The following RALGPS2 variants were observed in gnomAD, a reference collection of about 807,000 sequenced individuals.
The protein encoded by RALGPS2 is Ral GEF with PH domain and SH3 binding motif 2.
RALGPS2 carries 43 observed loss-of-function variants against 86.8 expected under a neutral mutation model. The ratio of observed to expected loss-of-function variants is 0.50; its 90% confidence interval spans 0.39 to 0.64. RALGPS2 has a LOEUF of 0.64. Ranked by LOEUF, RALGPS2 falls within the 30% of genes least tolerant of loss-of-function variation. The pLI, the probability that RALGPS2 is intolerant of heterozygous loss-of-function variation, is 0.00. For synonymous variants in RALGPS2, 243 were observed against 231.3 expected, an observed-to-expected ratio of 1.05 and a Z score of -0.46; for missense variants, 536 against 694.6, an observed-to-expected ratio of 0.77 and a Z score of 2.57.
rs746789531 is a variant in RALGPS2, at chr1:178,877,559, A to G, written c.669A>G (p.Leu223=). The G allele has an allele frequency of 6.2e-7, 1 of 1,613,614 alleles. No individual in the cohort carries two copies. The highest frequency in any genetic ancestry group is 1.1e-5 in the South Asian group (1 of 91,064). The change falls in exon 9 of 20, where the codon CTA becomes CTG. Residue 223 remains leucine, a synonymous_variant. Transcript: ENST00000367635. The stretch of plus-strand genomic sequence containing the variant: ...CATACCCATCAACTGGCAGCATTCT[A>G]GAAAATGAGCAAAGATCAAATTTAA... ...DSAYPSTGSI[L]ENEQRSNLMN... is the part of the protein sequence containing the mutation.
At chr1:178,826,436 TAAACC>T (rs1655744764) in intron 7 of RALGPS2, among the ~76,000 whole-genome samples, 1 of 152,172 alleles carries the variant, frequency 6.6e-6, no homozygotes, top group African/African-American at 2.4e-5. Flanking sequence ...CTAAGTGAAA[TAAACC>T]AGATACAAAA....
chr1:178,784,617 T>G, intron 3 of RALGPS2, 95 bp downstream of exon 3: 1 of 878,378 alleles, frequency 1.1e-6, no homozygotes. Context: ...AAGAGACAGC[T>G]TTTAGAAACC....
At chr1:178,882,147 C>T (rs1659285003) in intron 10 of RALGPS2, among the ~76,000 whole-genome samples, 1 of 152,156 alleles carries the variant, frequency 6.6e-6, no homozygotes, top group African/African-American at 2.4e-5. Flanking sequence ...TTTAAAGATG[C>T]CTCTGCTTTT....
chr1:178,736,211 C>T (rs1650694603), intron 1 of RALGPS2, among the ~76,000 whole-genome samples: 2 of 149,922 alleles, frequency 1.3e-5, no homozygotes, highest in Admixed American at 1.3e-4. Flanking sequence ...TGTCGCCCAG[C>T]CTGGAGTGCA....
chr1:178,752,263 G>A (rs1651719897), intron 1 of RALGPS2, among the ~76,000 whole-genome samples: 1 of 151,524 alleles, frequency 6.6e-6, no homozygotes, highest in Non-Finnish European at 1.5e-5. Flanking sequence ...AGCCTTTCAA[G>A]TAGCTGGGAC....
At chr1:178,755,959 T>C (rs1651939805) in intron 1 of RALGPS2, among the ~76,000 whole-genome samples, 1 of 152,240 alleles carries the variant, frequency 6.6e-6, no homozygotes, top group African/African-American at 2.4e-5. Flanking sequence ...CATTTTTATA[T>C]GTTTCTTGGC....
chr1:178,887,213 G>T (rs1468245003), intron 13 of RALGPS2, among the ~76,000 whole-genome samples: 2 of 152,164 alleles, frequency 1.3e-5, no homozygotes, highest in African/African-American at 4.8e-5. Flanking sequence ...AGCACTTTGG[G>T]AGGCCCAGAT....
chr1:178,876,698 T>C (rs1159091118), intron 8 of RALGPS2, among the ~76,000 whole-genome samples: 1 of 152,182 alleles, frequency 6.6e-6, no homozygotes, highest in Non-Finnish European at 1.5e-5. Flanking sequence ...TTTTCTTTTC[T>C]CTCCAGCTAT....
chr1:178,774,962 A>G (rs1031790765), intron 1 of RALGPS2, among the ~76,000 whole-genome samples: 1 of 152,302 alleles, frequency 6.6e-6, no homozygotes, highest in Non-Finnish European at 1.5e-5. Context: ...TGTGTTTGCA[A>G]TTAGGATTTT....
Position 178,805,990 on chromosome 1 carries a change from C to T in RALGPS2, c.214-2055C>T, listed in dbSNP as rs544660130. Reference sequence around the variant, plus strand: ...AACAGATGTCTGTTGGAATTTCTGTCCTCTTGCTCCTTTCTTGACTCTTGT... The same window carrying T: ...AACAGATGTCTGTTGGAATTTCTGTTCTCTTGCTCCTTTCTTGACTCTTGT... On this transcript the variant is annotated intron_variant, in intron 4 of 19. Coordinates refer to ENST00000367635, the MANE Select transcript of RALGPS2 (RefSeq NM_152663.5). 1.7e-4 allele frequency among the ~76,000 whole-genome samples: 26 copies of T among 151,952 alleles called. No homozygotes were observed. The East Asian group carries it at 4.6e-3, about 27-fold the overall frequency.
intron 1 of RALGPS2, among the ~76,000 whole-genome samples, chr1:178,748,787 G>T (rs916054638): frequency 1.4e-5 from 2 of 147,334 alleles, no homozygotes; most frequent in Non-Finnish European, 3.0e-5. Context: ...GGAGGCGGAG[G>T]TTGCAGTGAG....
chr1:178,770,741 T>C (rs1652765809), intron 1 of RALGPS2, among the ~76,000 whole-genome samples: 1 of 151,574 alleles, frequency 6.6e-6, no homozygotes, highest in African/African-American at 2.4e-5. Context: ...CCTCCCAAAG[T>C]GTTGGAATTA....
chr1:178,879,078 A>G (rs1306683347), intron 10 of RALGPS2, 86 bp downstream of exon 10: 16 of 1,516,652 alleles, frequency 1.1e-5, no homozygotes, highest in East Asian at 2.4e-5. Flanking sequence ...TCTAAATCCT[A>G]CATGGTATCA....
At chr1:178,788,758 G>A (rs79331367) in intron 4 of RALGPS2, among the ~76,000 whole-genome samples, 4,360 of 151,988 alleles carry the variant, frequency 0.029, 205 homozygotes, top group African/African-American at 0.1. Flanking sequence ...CATTTTCCGC[G>A]TTAGGTTTTA....
chr1:178,856,202 GATATATATATATATAT>G (rs55797277), intron 8 of RALGPS2, among the ~76,000 whole-genome samples: 7 of 83,910 alleles, frequency 8.3e-5, no homozygotes, highest in Admixed American at 3.4e-4. Flanking sequence ...GAGAGAGAGA[GATATATATATATATAT>G]ATATATATAT....
At chr1:178,851,193 GC>G in intron 8 of RALGPS2, 1 of 1,613,906 alleles carries the variant, frequency 6.2e-7, no homozygotes, top group South Asian at 1.1e-5. Flanking sequence ...TCTGTATTCG[GC>G]CCAGAAAATT....
At chr1:178,849,203 A>G (rs1657026699) in intron 8 of RALGPS2, among the ~76,000 whole-genome samples, 1 of 152,204 alleles carries the variant, frequency 6.6e-6, no homozygotes, top group South Asian at 2.1e-4. Flanking sequence ...CACAGCTAGC[A>G]AGTGGTAGAG....
chr1:178,775,526 T>G (rs1170487701), intron 1 of RALGPS2, among the ~76,000 whole-genome samples: 1 of 152,184 alleles, frequency 6.6e-6, no homozygotes, highest in East Asian at 1.9e-4. Flanking sequence ...AGAAATTCTG[T>G]CCTAGAGGTA....
intron 4 of RALGPS2, among the ~76,000 whole-genome samples, chr1:178,801,976 C>T (rs1654498933): frequency 6.6e-6 from 1 of 152,252 alleles, no homozygotes; most frequent in African/African-American, 2.4e-5. Context: ...TATCAGAAAA[C>T]ATTTCCCCCA....
Sources: allele counts gnomAD v4.1 joint callset (sites outside exome capture counted in the v4.1 genomes callset), GRCh38; gene constraint gnomAD v4.1.1; transcripts MANE v1.5; gene names NCBI Gene and HGNC (gene_info 2026-07-23, HGNC 2026-07-21).